The following LRRC37A2 variants were observed in gnomAD, a reference collection of about 807,000 sequenced individuals.
The protein encoded by LRRC37A2 is leucine rich repeat containing 37 member A2, also known as leucine-rich repeat-containing protein 37A2.
LRRC37A2 carries 9 observed loss-of-function variants against 68.8 expected under a neutral mutation model. The observed-to-expected ratio is 0.13, with a 90% CI of 0.08 to 0.23. The LOEUF is 0.23. LRRC37A2 is among the 10% of genes least tolerant of loss of function. The probability of loss-of-function intolerance (pLI) is 1.00; values close to 1 mark genes in which losing one functional copy is unlikely to be tolerated. For synonymous variants in LRRC37A2, 63 were observed against 367.6 expected (o/e 0.17, Z 9.48); for missense variants, 168 against 950.4 (o/e 0.18, Z 10.82).
chr17:46,819,977 G>A, the LRRC37A2 span, among the ~76,000 whole-genome samples: 5 of 152,240 alleles, frequency 3.3e-5, no homozygotes, highest in Non-Finnish European at 7.3e-5. This position sits in a 1 kb window ranked among gnomAD's most constrained non-coding sequence, Gnocchi z 5.3. Flanking sequence ...CACTGCCGGT[G>A]GGGAGCAGGG....
the LRRC37A2 span, among the ~76,000 whole-genome samples, chr17:47,036,524 G>C: frequency 2.5e-3 from 385 of 152,190 alleles, 1 homozygote; most frequent in African/African-American, 7.9e-3. Context: ...AATTGTGTGA[G>C]ATGTAGGGGG....
the LRRC37A2 span, among the ~76,000 whole-genome samples, chr17:46,960,705 G>A: frequency 6.6e-6 from 1 of 152,178 alleles, no homozygotes; most frequent in Admixed American, 6.5e-5. Flanking sequence ...AACTACTGAA[G>A]TGTGAAACGA....
chr17:46,792,576 C>T, the LRRC37A2 span, among the ~76,000 whole-genome samples: 3 of 152,060 alleles, frequency 2.0e-5, no homozygotes, highest in Admixed American at 6.6e-5. Context: ...CAGGTTCAAG[C>T]GATTCTCCTG....
the LRRC37A2 span, among the ~76,000 whole-genome samples, chr17:46,707,450 A>G: frequency 6.6e-6 from 1 of 152,118 alleles, no homozygotes; most frequent in South Asian, 2.1e-4. Context: ...GTATATTCAT[A>G]ATGTTGTATA....
the LRRC37A2 span, among the ~76,000 whole-genome samples, chr17:46,790,433 T>C: frequency 6.6e-6 from 1 of 151,970 alleles, no homozygotes; most frequent in Admixed American, 6.5e-5. Context: ...AGGTGCTCCC[T>C]CCCCTCTGTG....
the LRRC37A2 span, among the ~76,000 whole-genome samples, chr17:46,943,965 T>C: frequency 2.6e-5 from 4 of 151,988 alleles, no homozygotes; most frequent in Admixed American, 2.6e-4. Context: ...ATGCAGGGTA[T>C]CTAGGAAGAG....
the LRRC37A2 span, chr17:46,917,353 T>G: frequency 2.4e-4 from 36 of 152,274 alleles, no homozygotes; most frequent in African/African-American, 8.7e-4. Context: ...ATTCCAAAAG[T>G]GAGAACTAGG....
the LRRC37A2 span, among the ~76,000 whole-genome samples, chr17:46,501,025 C>CA: frequency 1.2e-3 from 185 of 151,144 alleles, 7 homozygotes; most frequent in African/African-American, 4.1e-3. Flanking sequence ...ACTAAAAATA[C>CA]AAAAAAAATT....
chr17:46,741,315 A>G, the LRRC37A2 span, among the ~76,000 whole-genome samples: 1 of 152,342 alleles, frequency 6.6e-6, no homozygotes, highest in African/African-American at 2.4e-5. Flanking sequence ...GGAATTAGAT[A>G]TCCTTTAATA....
the LRRC37A2 span, chr17:46,932,147 A>G: frequency 1.9e-6 from 3 of 1,614,162 alleles, no homozygotes; most frequent in Non-Finnish European, 2.5e-6. Flanking sequence ...CATGCAAGGG[A>G]GCAGCAGGAG....
At chr17:46,796,586 C>A in the LRRC37A2 span, among the ~76,000 whole-genome samples, 1 of 152,212 alleles carries the variant, frequency 6.6e-6, no homozygotes, top group Non-Finnish European at 1.5e-5. Flanking sequence ...CACAGAGAGG[C>A]AAGCGCAACT....
chr17:46,751,601 C>G, the LRRC37A2 span: 1 of 1,610,732 alleles, frequency 6.2e-7, no homozygotes, highest in Non-Finnish European at 8.5e-7. Flanking sequence ...TAATGCTGAT[C>G]GAGATGTCCC....
At chr17:46,978,434 C>G in the LRRC37A2 span, 2 of 549,388 alleles carry the variant, frequency 3.6e-6, no homozygotes, top group Non-Finnish European at 6.2e-6. Flanking sequence ...ATTCTCCCAC[C>G]CCGCAACGCT....
the LRRC37A2 span, chr17:46,770,140 G>T: frequency 1.4e-4 from 201 of 1,442,278 alleles, 4 homozygotes; most frequent in South Asian, 2.7e-3. Context: ...TGAGGGGAAC[G>T]AGGCCAGGAA....
At chr17:46,946,368 G>A in the LRRC37A2 span, among the ~76,000 whole-genome samples, 1 of 151,144 alleles carries the variant, frequency 6.6e-6, no homozygotes, top group Non-Finnish European at 1.5e-5. Context: ...GGCTGAGGCA[G>A]GAGAATTGCT....
the LRRC37A2 span, among the ~76,000 whole-genome samples, chr17:47,003,105 C>G: frequency 6.6e-6 from 1 of 151,516 alleles, no homozygotes; most frequent in African/African-American, 2.4e-5. Flanking sequence ...TAAAAATTAG[C>G]CAGGCTTGGT....
the LRRC37A2 span, among the ~76,000 whole-genome samples, chr17:46,785,387 G>T: frequency 1.3e-5 from 2 of 152,214 alleles, no homozygotes; most frequent in East Asian, 3.9e-4. Context: ...TGACTGAGTG[G>T]AAGGGGATAT....
the LRRC37A2 span, among the ~76,000 whole-genome samples, chr17:46,879,709 G>A: frequency 1.3e-5 from 2 of 152,188 alleles, no homozygotes; most frequent in African/African-American, 2.4e-5. Flanking sequence ...GGCACTACGG[G>A]CTGACCTGCT....
the LRRC37A2 span, among the ~76,000 whole-genome samples, chr17:46,906,301 G>A: frequency 7.5e-3 from 1,138 of 152,294 alleles, 60 homozygotes; most frequent in Admixed American, 0.07. Context: ...ACATAAGGTC[G>A]GAAAGGACTT....
Sources: allele counts gnomAD v4.1 joint callset (sites outside exome capture counted in the v4.1 genomes callset), GRCh38; gene constraint gnomAD v4.1.1; non-coding constraint Gnocchi (gnomAD v3.1); transcripts MANE v1.5; gene names NCBI Gene and HGNC (gene_info 2026-07-23, HGNC 2026-07-21).